RBFOX1: variants seen among roughly 807,000 people sequenced by gnomAD.
RBFOX1 encodes the protein RNA binding fox-1 homolog 1, also known as RNA binding protein fox-1 homolog 1.
Under a neutral mutation model 57.7 loss-of-function variants are expected in RBFOX1, and 8 were observed. The observed-to-expected ratio is 0.14, with a 90% CI of 0.08 to 0.25. The LOEUF (loss-of-function observed/expected upper bound fraction) is 0.25. RBFOX1 is among the 10% of genes least tolerant of loss of function. The pLI, the probability that RBFOX1 is intolerant of heterozygous loss-of-function variation, is 1.00. For missense variants in RBFOX1, 611 were observed against 548.5 expected, an observed-to-expected ratio of 1.11 and a Z score of -1.14; for synonymous variants, 326 against 222.4, an observed-to-expected ratio of 1.47 and a Z score of -4.15.
At position 6,317,115 on chromosome 16, in the gene RBFOX1, G is replaced by C. The variant is rs185558491; in HGVS notation, c.-64+58G>C. 1.1e-5 allele frequency: 16 copies of C among 1,445,546 alleles called. No homozygotes were observed. In the Admixed American group the frequency reaches 2.4e-4, roughly 22 times the overall value. 89.5% of individuals were successfully genotyped at this position (1,445,546 alleles called of 1,614,324 possible). ...TAAATACATCCATGTCTTTGATCCT[G>C]TTCTCTCTGAAAAGCTCTTTTCTGC... On this transcript the variant is annotated intron_variant, in intron 2 of 15. Coordinates refer to ENST00000550418, the MANE Select transcript of RBFOX1 (RefSeq NM_018723.4).
chr16:7,113,657 C>T lies in RBFOX1; in HGVS notation c.27+61559C>T, dbSNP rs780558905. Among the ~76,000 whole-genome samples, 4 of 152,320 alleles carry T rather than the reference C, an allele frequency of 2.6e-5. No homozygotes were observed. In the South Asian group the frequency reaches 8.3e-4, roughly 32 times the overall value. On this transcript the variant is annotated intron_variant, in intron 4 of 15. Coordinates refer to ENST00000550418, the MANE Select transcript of RBFOX1 (RefSeq NM_018723.4). The stretch of plus-strand genomic sequence containing the variant: ...TGTCTTCTGACTCAATATCCTTCCA[C>T]CCAAGAAACACATCTTGGAGATTGT...
intron 3 of RBFOX1, among the ~76,000 whole-genome samples, chr16:6,952,829 G>T (rs908464542): frequency 1.3e-5 from 2 of 151,918 alleles, no homozygotes; most frequent in Admixed American, 6.6e-5. Flanking sequence ...ACAAAAATTA[G>T]CTGGGTATGG....
At chr16:5,696,935 C>T (rs2050862797) in intron 3 of RBFOX1, among the ~76,000 whole-genome samples, 1 of 151,906 alleles carries the variant, frequency 6.6e-6, no homozygotes, top group African/African-American at 2.4e-5. Context: ...TTTTTTGAGA[C>T]CGAGTCTCAT....
At chr16:7,010,722 G>A (rs1272955468) in intron 3 of RBFOX1, among the ~76,000 whole-genome samples, 1 of 151,950 alleles carries the variant, frequency 6.6e-6, no homozygotes, top group South Asian at 2.1e-4. Flanking sequence ...TGCCACCACT[G>A]CCCGGCTGAT....
At chr16:6,114,305 C>G (rs9302818) in intron 1 of RBFOX1, among the ~76,000 whole-genome samples, 39,714 of 152,054 alleles carry the variant, frequency 0.26, 6,400 homozygotes, top group African/African-American at 0.43. Context: ...TTTACGGTTA[C>G]AGTCTTTGAG....
intron 1 of RBFOX1, among the ~76,000 whole-genome samples, chr16:5,341,157 G>C (rs2065023271): frequency 2.0e-5 from 3 of 152,152 alleles, no homozygotes; most frequent in African/African-American, 4.8e-5. Flanking sequence ...GAGTAAGGGG[G>C]GAGTAGGAGG....
At chr16:7,505,685 C>G (rs920629327) in intron 4 of RBFOX1, among the ~76,000 whole-genome samples, 1 of 152,170 alleles carries the variant, frequency 6.6e-6, no homozygotes, top group Non-Finnish European at 1.5e-5. Flanking sequence ...CGACCGCCCA[C>G]TCGGTTGGCT....
rs185553878 is a variant in RBFOX1 at position 6,960,874 on chromosome 16, C to A, written c.-15-91183C>A. 2.6e-5 allele frequency among the ~76,000 whole-genome samples: 4 copies of A among 151,124 alleles called. 1 individual carries two copies. The highest frequency in any genetic ancestry group is 7.3e-5 in the African/African-American group (3 of 41,050). On this transcript the variant is annotated intron_variant, in intron 3 of 15. Coordinates refer to ENST00000550418, the MANE Select transcript of RBFOX1 (RefSeq NM_018723.4). ...CAGGTCCGGGTGCAGTGGCTCACAT[C>A]TGTAATCCCAGCACTTTGGAAGGCC...
At chr16:5,594,073 G>T (rs11865320) in intron 2 of RBFOX1, among the ~76,000 whole-genome samples, 7,089 of 151,944 alleles carry the variant, frequency 0.047, 552 homozygotes, top group African/African-American at 0.16. Flanking sequence ...GTTGGTCCAC[G>T]TAGGTTTTAC....
intron 1 of RBFOX1, among the ~76,000 whole-genome samples, chr16:6,229,001 C>G (rs2097437825): frequency 6.6e-6 from 1 of 152,034 alleles, no homozygotes; most frequent in Admixed American, 6.6e-5. Context: ...AAATGATGCA[C>G]AAATCCCCTG....
At chr16:6,515,419 C>A (rs1222869481) in intron 2 of RBFOX1, among the ~76,000 whole-genome samples, 1 of 152,170 alleles carries the variant, frequency 6.6e-6, no homozygotes, top group South Asian at 2.1e-4. Flanking sequence ...GATTTAGAGT[C>A]CTCCCATTTT....
chr16:5,673,626 C>T (rs1258762142), intron 3 of RBFOX1, among the ~76,000 whole-genome samples: 1 of 152,220 alleles, frequency 6.6e-6, no homozygotes, highest in Non-Finnish European at 1.5e-5. Context: ...AAGTTCATGT[C>T]TATCTTTGGG....
At chr16:5,810,914 G>A (rs1432361442) in intron 3 of RBFOX1, among the ~76,000 whole-genome samples, 1 of 152,162 alleles carries the variant, frequency 6.6e-6, no homozygotes. Flanking sequence ...CATATGAAGA[G>A]TAAAATTGGG....
chr16:6,194,772 C>G (rs2152817577), intron 1 of RBFOX1, among the ~76,000 whole-genome samples: 1 of 152,324 alleles, frequency 6.6e-6, no homozygotes, highest in Non-Finnish European at 1.5e-5. Flanking sequence ...TACTGTTTAT[C>G]TGTCCATTTT....
intron 3 of RBFOX1, among the ~76,000 whole-genome samples, chr16:5,784,332 C>T (rs1022254953): frequency 6.6e-6 from 1 of 152,000 alleles, no homozygotes; most frequent in Non-Finnish European, 1.5e-5. Context: ...GAGGCTGAGG[C>T]AGGAGAATGG....
rs533846877 is a variant in RBFOX1 at position 6,283,431 on chromosome 16, A to C, written c.-126-33564A>C. ...TTTTTATTTATTCTGTTTTTATCCC[A>C]GTCCTTCTCAAGCAGATTCTGCCAT... On this transcript the variant is annotated intron_variant, in intron 1 of 15. Coordinates refer to ENST00000550418, the MANE Select transcript of RBFOX1 (RefSeq NM_018723.4). Among the ~76,000 whole-genome samples the C allele has an allele frequency of 2.1e-4, 32 of 152,256 alleles. No homozygotes were observed. The South Asian group carries it at 6.7e-3, about 32-fold the overall frequency.
At chr16:5,952,474 A>G (rs1316839116) in intron 4 of RBFOX1, among the ~76,000 whole-genome samples, 2 of 151,930 alleles carry the variant, frequency 1.3e-5, no homozygotes, top group Non-Finnish European at 2.9e-5. Flanking sequence ...TTTAATAGAG[A>G]TGGGGTTTCA....
chr16:5,873,212 T>A (rs1172998498), intron 4 of RBFOX1, among the ~76,000 whole-genome samples: 1 of 152,180 alleles, frequency 6.6e-6, no homozygotes, highest in Non-Finnish European at 1.5e-5. Context: ...AATAACCTAA[T>A]TAGGAATCAT....
In RBFOX1 at chr16:7,402,799, G is replaced by A. The variant is rs555090505; in HGVS notation, c.28-115348G>A. Among the ~76,000 whole-genome samples the A allele has an allele frequency of 5.3e-5, 8 of 152,264 alleles. No individual in the cohort carries two copies. The East Asian group carries it at 1.5e-3, about 29-fold the overall frequency. ...AGGATGGTGTAACCTCAACAGCAGG[G>A]ATAGCTTAACTCTAGAAAGAGTTGT... On this transcript the variant is annotated intron_variant, in intron 4 of 15. Coordinates refer to ENST00000550418, the MANE Select transcript of RBFOX1 (RefSeq NM_018723.4).
Sources: allele counts gnomAD v4.1 joint callset (sites outside exome capture counted in the v4.1 genomes callset), GRCh38; gene constraint gnomAD v4.1.1; transcripts MANE v1.5; gene names NCBI Gene and HGNC (gene_info 2026-07-23, HGNC 2026-07-21).